LRP2: variants seen among roughly 807,000 people sequenced by gnomAD.
LRP2 encodes the protein LDL receptor related protein 2.
LRP2 carries 172 observed loss-of-function variants against 531.0 expected under a neutral mutation model. The observed-to-expected ratio is 0.32, with a 90% CI of 0.29 to 0.37. LRP2 has a LOEUF of 0.37. LRP2 is among the 10% of genes least tolerant of loss of function. LRP2 has a pLI of 1.00. For synonymous variants in LRP2, 1,992 were observed against 2,027.6 expected (o/e 0.98, Z 0.47); for missense variants, 5,167 against 5,868.3 (o/e 0.88, Z 3.90).
chr2:169,180,583 C>T (rs555755807), intron 52 of LRP2, among the ~76,000 whole-genome samples: 27 of 152,278 alleles, frequency 1.8e-4, no homozygotes, highest in African/African-American at 6.3e-4. Flanking sequence ...AGTGGCATGT[C>T]CCCAGGGAGC....
At chr2:169,317,669 T>C (rs998479249) in intron 3 of LRP2, among the ~76,000 whole-genome samples, 1 of 152,214 alleles carries the variant, frequency 6.6e-6, no homozygotes, top group Non-Finnish European at 1.5e-5. Context: ...GATACAAGAA[T>C]GATTTTAAAT....
intron 1 of LRP2, among the ~76,000 whole-genome samples, chr2:169,351,431 G>A (rs74367661): frequency 0.033 from 4,992 of 152,294 alleles, 300 homozygotes; most frequent in African/African-American, 0.11. Context: ...AGAGAGGTGA[G>A]AGGGAATGAG....
chr2:169,326,438 C>T (rs1476393344), intron 1 of LRP2, among the ~76,000 whole-genome samples: 3 of 151,602 alleles, frequency 2.0e-5, no homozygotes, highest in African/African-American at 7.3e-5. Flanking sequence ...GGCTGGTCTC[C>T]AGCTCCTAAC....
chr2:169,230,662 G>A (rs1689364604), intron 31 of LRP2, among the ~76,000 whole-genome samples: 1 of 152,204 alleles, frequency 6.6e-6, no homozygotes, highest in South Asian at 2.1e-4. Flanking sequence ...TGGGTTTAGA[G>A]TAACTTCTTA....
chr2:169,244,642 G>A, intron 22 of LRP2, 51 bp downstream of exon 22: 1 of 1,612,958 alleles, frequency 6.2e-7, no homozygotes, highest in Non-Finnish European at 8.5e-7. Context: ...TTTGGTTGTT[G>A]AAGTCTATTT....
intron 15 of LRP2, among the ~76,000 whole-genome samples, chr2:169,272,596 A>G (rs1683446517): frequency 1.3e-5 from 2 of 152,292 alleles, no homozygotes; most frequent in African/African-American, 4.8e-5. Flanking sequence ...AAAAGAGCTC[A>G]AAGTTCAACC....
chr2:169,290,533 C>T (rs1319894067), intron 8 of LRP2, among the ~76,000 whole-genome samples: 1 of 152,074 alleles, frequency 6.6e-6, no homozygotes, highest in Non-Finnish European at 1.5e-5. Flanking sequence ...CTTGAGCAAA[C>T]TTGGCATAAG....
chr2:169,327,735 C>T (rs1296724861), intron 1 of LRP2, among the ~76,000 whole-genome samples: 100 of 131,420 alleles, frequency 7.6e-4, no homozygotes, highest in Non-Finnish European at 1.3e-3. Context: ...CCCGGCCAGC[C>T]GCCCCGTCCG....
At chr2:169,204,584 C>T (rs1688313929) in intron 41 of LRP2, among the ~76,000 whole-genome samples, 1 of 152,162 alleles carries the variant, frequency 6.6e-6, no homozygotes, top group Admixed American at 6.5e-5. Flanking sequence ...AAGCACATAG[C>T]AGACTCTCAA....
Position 169,129,056 on chromosome 2 carries a change from T to A in LRP2, c.13757A>T (p.Lys4586Ile). 1.2e-6 allele frequency: 2 copies of A among 1,612,456 alleles called. No individual in the cohort carries two copies. The highest frequency in any genetic ancestry group is 1.7e-6 in the Non-Finnish European group (2 of 1,178,504). Reference sequence around the variant, plus strand: ...TTCAAAGTTGGTAGTTTGTTTAGATTTTCGTTTGAAGAGATTCCATTTTGT... The same window carrying A: ...TTCAAAGTTGGTAGTTTGTTTAGATATTCGTTTGAAGAGATTCCATTTTGT... The part of the protein sequence containing the change: ...QVTKWNLFKR[K>I]SKQTTNFENP... The change falls in exon 78 of 79, where the codon AAA becomes ATA. Residue 4586 changes from lysine to isoleucine, a missense_variant. Around this residue, in one of 6 missense-constraint regions of LRP2, gnomAD observed 348 missense variants for 369.3 expected, o/e 0.94. Transcript: ENST00000649046.
At chr2:169,130,707 G>T (rs967151241) in intron 77 of LRP2, among the ~76,000 whole-genome samples, 6 of 152,292 alleles carry the variant, frequency 3.9e-5, no homozygotes, top group Middle Eastern at 3.4e-3. Flanking sequence ...TTTAAAGCAT[G>T]CTGGCTGTTA....
chr2:169,220,990 A>T (rs1212158239), intron 33 of LRP2, among the ~76,000 whole-genome samples: 1 of 152,188 alleles, frequency 6.6e-6, no homozygotes, highest in Non-Finnish European at 1.5e-5. Context: ...TACTGCCAAC[A>T]CAGTTGATCA....
chr2:169,158,603 TAAA>T (rs1358496241), intron 63 of LRP2, among the ~76,000 whole-genome samples: 1 of 151,872 alleles, frequency 6.6e-6, no homozygotes, highest in Non-Finnish European at 1.5e-5. Flanking sequence ...ATGTGATTAT[TAAA>T]ATTTATAGTT....
At position 169,157,465 on chromosome 2, in the gene LRP2, G is replaced by C; in HGVS notation, c.11925C>G (p.Cys3975Trp). The change falls in exon 64 of 79, where the codon TGC (cysteine) becomes TGG (tryptophan). Residue 3975 changes from cysteine to tryptophan, a missense_variant. Coordinates refer to ENST00000649046, the MANE Select transcript of LRP2 (RefSeq NM_004525.3). ...GKERTCAENICEQNCTQLNEG... is the reference protein window; with the variant it reads ...GKERTCAENIWEQNCTQLNEG... ...CATTTAATTGGGTACAATTTTGCTC[G>C]CATATATTTTCAGCACATGTTCTTT... The C allele has an allele frequency of 6.2e-7, 1 of 1,612,990 alleles. No individual in the cohort carries two copies. The highest frequency in any genetic ancestry group is 8.5e-7 in the Non-Finnish European group (1 of 1,179,380).
intron 46 of LRP2, among the ~76,000 whole-genome samples, chr2:169,194,374 T>A (rs1192284876): frequency 1.3e-5 from 2 of 152,180 alleles, no homozygotes; most frequent in Non-Finnish European, 2.9e-5. Context: ...CTGTCTCCCC[T>A]CTTTAGAATA....
intron 4 of LRP2, among the ~76,000 whole-genome samples, chr2:169,299,118 AG>A (rs1200052519): frequency 1.0e-5 from 1 of 97,386 alleles, no homozygotes; most frequent in Non-Finnish European, 2.2e-5. Context: ...AAAGAAAGAA[AG>A]AAAGAAAGAA....
chr2:169,355,968 G>C (rs56266034), intron 1 of LRP2, among the ~76,000 whole-genome samples: 8 of 152,296 alleles, frequency 5.3e-5, no homozygotes, highest in Non-Finnish European at 1.0e-4. Flanking sequence ...ACAGCTCACT[G>C]TAGCCTCGAC....
intron 2 of LRP2, 87 bp from the exon 3 acceptor site, chr2:169,318,971 T>C (rs991242748): frequency 6.6e-7 from 1 of 1,511,438 alleles, no homozygotes; most frequent in Non-Finnish European, 9.1e-7. Context: ...GAGTGTATCA[T>C]GTAAACTCCT....
intron 31 of LRP2, among the ~76,000 whole-genome samples, chr2:169,228,030 G>A (rs11885863): frequency 0.01 from 1,533 of 152,124 alleles, 23 homozygotes; most frequent in African/African-American, 0.034. Context: ...AATAAAAATC[G>A]CTTCTCATTG....
Sources: allele counts gnomAD v4.1 joint callset (sites outside exome capture counted in the v4.1 genomes callset), GRCh38; gene constraint gnomAD v4.1.1; regional missense constraint gnomAD v4.1.1; transcripts MANE v1.5; gene names NCBI Gene and HGNC (gene_info 2026-07-23, HGNC 2026-07-21).